The following TNNI3K variants were observed in gnomAD, a reference collection of about 807,000 sequenced individuals.
TNNI3K encodes TNNI3 interacting kinase.
Under a neutral mutation model 114.5 loss-of-function variants are expected in TNNI3K, and 140 were observed. The ratio of observed to expected loss-of-function variants is 1.22; its 90% CI spans 1.07 to 1.41. The LOEUF is 1.41. Among genes scored for constraint, TNNI3K ranks in the 40% most tolerant of loss-of-function variants. The pLI is 0.00. For missense variants in TNNI3K, 1,125 were observed against 1,007.6 expected, an observed-to-expected ratio of 1.12 and a Z score of -1.58; for synonymous variants, 347 against 347.5, an observed-to-expected ratio of 1.00 and a Z score of 0.02.
intron 5 of TNNI3K, among the ~76,000 whole-genome samples, chr1:74,306,762 C>G (rs1174269710): frequency 2.0e-5 from 3 of 152,026 alleles, no homozygotes; most frequent in Non-Finnish European, 4.4e-5. Flanking sequence ...AGATATTAAT[C>G]TTTTGTTGGA....
chr1:74,405,221 G>A (rs962868612), intron 17 of TNNI3K, among the ~76,000 whole-genome samples: 1 of 152,080 alleles, frequency 6.6e-6, no homozygotes, highest in African/African-American at 2.4e-5. Context: ...AGGCATTAGA[G>A]ACGGGGGAGC....
intron 20 of TNNI3K, among the ~76,000 whole-genome samples, chr1:74,444,632 T>C: frequency 6.6e-6 from 1 of 152,104 alleles, no homozygotes; most frequent in Non-Finnish European, 1.5e-5. Flanking sequence ...GATCCAATGC[T>C]ATTACCATTA....
chr1:74,266,275 G>A (rs1186778774), intron 4 of TNNI3K, among the ~76,000 whole-genome samples: 1 of 152,010 alleles, frequency 6.6e-6, no homozygotes, highest in African/African-American at 2.4e-5. Context: ...GTTGATTGGA[G>A]AGCCTTCATG....
intron 5 of TNNI3K, among the ~76,000 whole-genome samples, chr1:74,316,301 T>A (rs1022674167): frequency 2.0e-5 from 3 of 152,206 alleles, no homozygotes; most frequent in Admixed American, 2.0e-4. Flanking sequence ...CTCTGCCTTT[T>A]CTCCATTACC....
chr1:74,236,981 A>T (rs370074043), intron 2 of TNNI3K, among the ~76,000 whole-genome samples: 38 of 152,074 alleles, frequency 2.5e-4, no homozygotes, highest in African/African-American at 8.2e-4. Flanking sequence ...TAATGCACTC[A>T]TGGCAAAGAA....
chr1:74,539,011 A>G (rs1646694297), intron 23 of TNNI3K, among the ~76,000 whole-genome samples: 1 of 152,180 alleles, frequency 6.6e-6, no homozygotes, highest in East Asian at 1.9e-4. Flanking sequence ...ATCTGTTTAT[A>G]TTTTGAAAAG....
chr1:74,269,515 T>C (rs1002066722), intron 4 of TNNI3K, among the ~76,000 whole-genome samples: 2 of 151,778 alleles, frequency 1.3e-5, no homozygotes, highest in African/African-American at 2.4e-5. Flanking sequence ...TTGAGGAGAC[T>C]AGTTAGGAAG....
At chr1:74,336,567 T>G (rs1660480300) in intron 7 of TNNI3K, among the ~76,000 whole-genome samples, 1 of 149,330 alleles carries the variant, frequency 6.7e-6, no homozygotes, top group African/African-American at 2.5e-5. Flanking sequence ...GATCTCATTG[T>G]TCAATTCCCA....
intron 23 of TNNI3K, among the ~76,000 whole-genome samples, chr1:74,524,526 T>G (rs1646477066): frequency 6.6e-6 from 1 of 152,194 alleles, no homozygotes; most frequent in African/African-American, 2.4e-5. Context: ...TAGGAAAAAG[T>G]CACATAAATC....
intron 17 of TNNI3K, among the ~76,000 whole-genome samples, chr1:74,377,354 G>A (rs1662960946): frequency 6.6e-6 from 1 of 151,982 alleles, no homozygotes; most frequent in African/African-American, 2.4e-5. Flanking sequence ...CTATGGCACA[G>A]AATAGGTCCC....
intron 17 of TNNI3K, among the ~76,000 whole-genome samples, chr1:74,385,560 A>G (rs1365841236): frequency 6.6e-6 from 1 of 152,212 alleles, no homozygotes; most frequent in Admixed American, 6.5e-5. Flanking sequence ...TAATTTCATC[A>G]AGGATATCAA....
At chr1:74,331,651 A>G in intron 6 of TNNI3K, 103 bp downstream of exon 6, 1 of 1,084,320 alleles carries the variant, frequency 9.2e-7, no homozygotes, top group African/African-American at 1.6e-5. Flanking sequence ...ATATATTTGA[A>G]TTATTTTTGC....
chr1:74,244,157 A>T (rs964207644), intron 2 of TNNI3K, among the ~76,000 whole-genome samples: 4 of 152,162 alleles, frequency 2.6e-5, no homozygotes, highest in East Asian at 3.9e-4. Context: ...CTCTCATTTT[A>T]AAAATGTACA....
intron 23 of TNNI3K, among the ~76,000 whole-genome samples, chr1:74,496,313 C>T (rs1437007933): frequency 6.6e-6 from 1 of 152,178 alleles, no homozygotes; most frequent in Non-Finnish European, 1.5e-5. Context: ...TTACGTGCAT[C>T]ATCCCTGCCA....
intron 5 of TNNI3K, among the ~76,000 whole-genome samples, chr1:74,295,860 T>G (rs951069219): frequency 3.3e-5 from 5 of 152,228 alleles, no homozygotes; most frequent in Non-Finnish European, 7.3e-5. Flanking sequence ...GTATATTGTT[T>G]TATTACTTGA....
intron 23 of TNNI3K, among the ~76,000 whole-genome samples, chr1:74,506,207 G>A (rs1465730227): frequency 1.3e-5 from 2 of 152,192 alleles, no homozygotes. Context: ...ACAGAAATGT[G>A]TATTCAAACA....
In TNNI3K at chr1:74,463,538, C is replaced by A; in HGVS notation, c.2109C>A (p.Asn703Lys). ...CATCTCTGCTGATACGAGGGTGGAACGCATGTCCTGAAGTGAGTAATTTTT... is the reference window on the plus strand; with the variant it reads ...CATCTCTGCTGATACGAGGGTGGAAAGCATGTCCTGAAGTGAGTAATTTTT... The part of the protein sequence containing the change: ...PISSLLIRGW[N>K]ACPEGRPEFS... The change falls in exon 21 of 25, where the codon AAC becomes AAA. Residue 703 changes from asparagine (N) to lysine (K), a missense_variant. Physicochemically the swap from Asn to Lys is moderately conservative, Grantham distance 94. Coordinates refer to ENST00000326637, the MANE Select transcript of TNNI3K (RefSeq NM_015978.3). 1 of 1,614,162 alleles carries A rather than the reference C, an allele frequency of 6.2e-7. No individual in the cohort carries two copies. The highest frequency in any genetic ancestry group is 1.3e-5 in the African/African-American group (1 of 75,034).
intron 5 of TNNI3K, among the ~76,000 whole-genome samples, chr1:74,286,294 T>C (rs1434804267): frequency 6.6e-6 from 1 of 152,088 alleles, no homozygotes; most frequent in Non-Finnish European, 1.5e-5. Flanking sequence ...CTGGCCCCCA[T>C]GGACCCAGCA....
intron 21 of TNNI3K, among the ~76,000 whole-genome samples, chr1:74,487,233 A>G (rs1389906780): frequency 2.0e-5 from 3 of 152,200 alleles, no homozygotes; most frequent in Non-Finnish European, 2.9e-5. Context: ...TGAGAGAATT[A>G]TTGCTGGAGC....
Sources: gnomAD v4.1 joint callset for allele counts (sites outside exome capture counted in the v4.1 genomes callset) on GRCh38, gnomAD v4.1.1 for gene constraint, MANE v1.5 for transcripts, NCBI Gene and HGNC (gene_info 2026-07-23, HGNC 2026-07-21) for gene names.